The following PIK3R1 variants were observed in gnomAD, a reference collection of about 807,000 sequenced individuals.
The protein encoded by PIK3R1 is phosphoinositide-3-kinase regulatory subunit 1.
A neutral mutation model predicts 98.0 loss-of-function variants in PIK3R1; 29 were observed. The observed-to-expected ratio is 0.30, with a 90% CI of 0.22 to 0.40. PIK3R1 has a LOEUF of 0.40. Among genes scored for constraint, PIK3R1 ranks in the 10% least tolerant of loss-of-function variants. PIK3R1 has a pLI of 1.00. For missense variants in PIK3R1, 596 were observed against 872.7 expected (o/e 0.68, Z 3.99); for synonymous variants, 282 against 311.8 (o/e 0.90, Z 1.01).
chr5:68,245,496 T>C (rs1745050112), intron 2 of PIK3R1, among the ~76,000 whole-genome samples: 2 of 152,218 alleles, frequency 1.3e-5, no homozygotes, highest in Admixed American at 1.3e-4. Context: ...AGGCTGGACG[T>C]CTCAGAGTTC....
At position 68,292,953 on chromosome 5, in the gene PIK3R1, T is replaced by C. The variant is rs552332420; in HGVS notation, c.1020-148T>C. 11 of 686,062 alleles carry C rather than the reference T, an allele frequency of 1.6e-5. No homozygotes were observed. The African/African-American group carries it at 2.0e-4, about 12-fold the overall frequency. The allele number at this position is 686,062 out of a possible 1,614,324, so 42.5% of individuals were successfully genotyped here. ...TGCAATTCATTAATTTAAATCTATG[T>C]GGGCAGGAGGAATATGGGCACTCAC... On this transcript the variant is annotated intron_variant, in intron 8 of 15. Coordinates refer to ENST00000521381, the MANE Select transcript of PIK3R1 (RefSeq NM_181523.3).
chr5:68,227,118 A>G (rs574190044), intron 2 of PIK3R1, 109 bp downstream of exon 2: 12 of 896,534 alleles, frequency 1.3e-5, no homozygotes, highest in East Asian at 1.3e-4. Flanking sequence ...TACCTTGGCA[A>G]CTGCACCTGA....
Position 68,292,326 on chromosome 5 carries a change from A to G in PIK3R1, c.984A>G (p.Leu328=). The part of the protein sequence containing the change: ...ANNGMNNNMS[L]QDAEWYWGDI... ...ACGGTATGAATAACAATATGTCCTT[A>G]CAAGATGCTGAATGGTACTGGGGAG... The change falls in exon 8 of 16, where the codon TTA becomes TTG. Residue 328 remains leucine (L), a synonymous_variant. Transcript: ENST00000521381. 3 of 1,613,134 alleles carry G rather than the reference A, an allele frequency of 1.9e-6. No homozygotes were observed. The highest frequency in any genetic ancestry group is 1.7e-6 in the Non-Finnish European group (2 of 1,179,072).
At chr5:68,218,399 T>C (rs1743977706) in intron 1 of PIK3R1, among the ~76,000 whole-genome samples, 1 of 152,116 alleles carries the variant, frequency 6.6e-6, no homozygotes, top group African/African-American at 2.4e-5. Flanking sequence ...GATATGTTGA[T>C]TGAACATATC....
At position 68,235,802 on chromosome 5, in the gene PIK3R1, T is replaced by G. The variant is rs543824217; in HGVS notation, c.334+8793T>G. On this transcript the variant is annotated intron_variant, in intron 2 of 15. Transcript: ENST00000521381. Reference sequence around the variant, plus strand: ...CTTCCCTGTGGGTCTGTTTAACTATTGAAAATGTCTTCTTCAAAATGAACC... The same window carrying G: ...CTTCCCTGTGGGTCTGTTTAACTATGGAAAATGTCTTCTTCAAAATGAACC... Among the ~76,000 whole-genome samples the G allele has an allele frequency of 2.0e-4, 31 of 152,232 alleles. 1 individual carries two copies. The highest frequency in any genetic ancestry group is 6.5e-5 in the Admixed American group (1 of 15,286).
chr5:68,288,461 G>A lies in PIK3R1; in HGVS notation c.917-3798G>A, dbSNP rs1004359059. 2.0e-5 allele frequency: 26 copies of A among 1,290,368 alleles called. No individual in the cohort carries two copies. The African/African-American group carries it at 3.7e-4, about 19-fold the overall frequency. 79.9% of individuals were successfully genotyped at this position (1,290,368 alleles called of 1,614,324 possible). A position where few individuals can be genotyped will look rare whatever the true frequency, so the allele number is the denominator to read the frequency against. ...TTGGCTTCTCAATGAGGAGCCGGCA[G>A]TGAGCGGCGGTGGCCCGGACGCACT... is the stretch of plus-strand genomic sequence containing the variant. On this transcript the variant is annotated intron_variant, in intron 7 of 15. Coordinates refer to ENST00000521381, the MANE Select transcript of PIK3R1 (RefSeq NM_181523.3).
At chr5:68,216,176 A>G (rs1352410500) in intron 1 of PIK3R1, among the ~76,000 whole-genome samples, 2 of 151,960 alleles carry the variant, frequency 1.3e-5, no homozygotes, top group Non-Finnish European at 2.9e-5. Flanking sequence ...GATCCCCGCC[A>G]TCCTGACTCC....
intron 2 of PIK3R1, chr5:68,239,858 A>G (rs1350970842): frequency 1.2e-5 from 6 of 504,976 alleles, no homozygotes; most frequent in Admixed American, 9.2e-5. Context: ...CACAAGAACA[A>G]CTGAAAAGAA....
intron 7 of PIK3R1, among the ~76,000 whole-genome samples, chr5:68,282,311 G>T (rs1027905783): frequency 3.3e-5 from 5 of 152,086 alleles, no homozygotes; most frequent in African/African-American, 1.2e-4. Context: ...GCTGCCTTTG[G>T]ACTTAGTGGA....
chr5:68,258,266 C>T (rs1029776165), intron 2 of PIK3R1, among the ~76,000 whole-genome samples: 7 of 152,156 alleles, frequency 4.6e-5, no homozygotes, highest in African/African-American at 1.4e-4. Context: ...ATAACCAACA[C>T]AGTTGAAAAA....
At position 68,245,909 on chromosome 5, in the gene PIK3R1, C is replaced by T. The variant is rs528678886; in HGVS notation, c.334+18900C>T. On this transcript the variant is annotated intron_variant, in intron 2 of 15. Transcript: ENST00000521381. ...ATGAAGTTAGATTATTGCAGAATTA[C>T]ATAAGTTAGTAAGCATGGACTGACC... 8.5e-5 allele frequency among the ~76,000 whole-genome samples: 13 copies of T among 152,308 alleles called. 1 individual carries two copies. Among genetic ancestry groups the T allele is most frequent in the South Asian group, 8.3e-4 (4 of 4,822 alleles).
intron 2 of PIK3R1, among the ~76,000 whole-genome samples, chr5:68,227,772 G>C (rs956163030): frequency 1.3e-5 from 2 of 152,156 alleles, no homozygotes; most frequent in Non-Finnish European, 2.9e-5. Context: ...TTCCTTTGTG[G>C]GTAGTGTCAT....
At position 68,280,488 on chromosome 5, in the gene PIK3R1, G is replaced by A. The variant is rs372183204; in HGVS notation, c.635-40G>A. The stretch of plus-strand genomic sequence containing the variant: ...TATTCACTGATACCTGGAAGTAGTC[G>A]CTTACTCATTTCTCTTTTTTTTTTT... On this transcript the variant is annotated intron_variant, in intron 5 of 15. Coordinates refer to ENST00000521381, the MANE Select transcript of PIK3R1 (RefSeq NM_181523.3). 153 of 1,358,290 alleles carry A rather than the reference G, an allele frequency of 1.1e-4. 1 individual carries two copies. The highest frequency in any genetic ancestry group is 1.4e-4 in the East Asian group (6 of 43,662). The allele number at this position is 1,358,290 out of a possible 1,614,324, so 84.1% of individuals were successfully genotyped here. A position where few individuals can be genotyped will look rare whatever the true frequency, so the allele number is the denominator to read the frequency against.
At position 68,297,388 on chromosome 5, in the gene PIK3R1, CAGTT is replaced by C; in HGVS notation, c.1986-23_1986-20del. 1 of 1,584,854 alleles carries C rather than the reference CAGTT, an allele frequency of 6.3e-7. No homozygotes were observed. The highest frequency in any genetic ancestry group is 8.6e-7 in the Non-Finnish European group (1 of 1,161,552). On this transcript the variant is annotated intron_variant, in intron 15 of 15. Coordinates refer to ENST00000521381, the MANE Select transcript of PIK3R1 (RefSeq NM_181523.3). ...AATTGTCTTGGACAAGCTCAAAAGACAGTTTTTCTTCTCTCCTCTCTAGGGTGGA... is the reference window on the plus strand; with the variant it reads ...AATTGTCTTGGACAAGCTCAAAAGACTTTCTTCTCTCCTCTCTAGGGTGGA...
chr5:68,271,196 T>C (rs1316530566), intron 2 of PIK3R1, among the ~76,000 whole-genome samples: 3 of 152,318 alleles, frequency 2.0e-5, no homozygotes, highest in African/African-American at 7.2e-5. Flanking sequence ...GTCCTCCAGG[T>C]GGTGCTTAGC....
At chr5:68,225,467 T>C (rs1744237752) in intron 1 of PIK3R1, among the ~76,000 whole-genome samples, 1 of 152,202 alleles carries the variant, frequency 6.6e-6, no homozygotes, top group Non-Finnish European at 1.5e-5. Flanking sequence ...CTCTCATTAA[T>C]GCAGGATCAG....
intron 7 of PIK3R1, among the ~76,000 whole-genome samples, chr5:68,284,151 A>C (rs1007701456): frequency 2.6e-5 from 4 of 152,170 alleles, no homozygotes; most frequent in Non-Finnish European, 4.4e-5. Flanking sequence ...TGGGGTTGGT[A>C]TGAGATTTAA....
chr5:68,266,801 A>C (rs1746141124), intron 2 of PIK3R1, among the ~76,000 whole-genome samples: 1 of 152,230 alleles, frequency 6.6e-6, no homozygotes, highest in African/African-American at 2.4e-5. Flanking sequence ...TGGGGATAAT[A>C]GAGACTATAC....
At chr5:68,268,177 A>G (rs1746200802) in intron 2 of PIK3R1, among the ~76,000 whole-genome samples, 2 of 152,198 alleles carry the variant, frequency 1.3e-5, no homozygotes, top group Admixed American at 6.5e-5. Flanking sequence ...AACTTGCCCA[A>G]GACTACTGAA....
Sources: allele counts gnomAD v4.1 joint callset (sites outside exome capture counted in the v4.1 genomes callset), GRCh38; gene constraint gnomAD v4.1.1; transcripts MANE v1.5; gene names NCBI Gene and HGNC (gene_info 2026-07-23, HGNC 2026-07-21).